Variants in TAF12 observed in about 807,000 individuals in gnomAD.
TAF12 encodes the protein TATA-box binding protein associated factor 12.
TAF12 carries 3 observed loss-of-function variants against 20.8 expected under a neutral mutation model. That is an observed-to-expected ratio of 0.14 (90% confidence interval 0.07 to 0.37). TAF12 has a LOEUF of 0.37. Among genes scored for constraint, TAF12 ranks in the 10% least tolerant of loss-of-function variants. The pLI, the probability that TAF12 is intolerant of heterozygous loss-of-function variation, is 1.00. For synonymous variants in TAF12, 69 were observed against 70.2 expected (o/e 0.98, Z 0.09); for missense variants, 131 against 197.9 (o/e 0.66, Z 2.03).
At chr1:28,614,190 A>G (rs1432044945) in intron 3 of TAF12, among the ~76,000 whole-genome samples, 1 of 152,068 alleles carries the variant, frequency 6.6e-6, no homozygotes, top group African/African-American at 2.4e-5. Flanking sequence ...GTGAGCTAAG[A>G]TCGTGACACT....
chr1:28,616,972 T>C (rs903832733), intron 3 of TAF12, among the ~76,000 whole-genome samples: 1 of 151,434 alleles, frequency 6.6e-6, no homozygotes, highest in Non-Finnish European at 1.5e-5. Flanking sequence ...ATACAAAAAT[T>C]AGCCAGGTGT....
intron 4 of TAF12, among the ~76,000 whole-genome samples, chr1:28,611,510 A>G (rs568572135): frequency 1.3e-5 from 2 of 152,162 alleles, no homozygotes; most frequent in Admixed American, 1.3e-4. Flanking sequence ...CCTTAATCCA[A>G]TATGACTGGT....
intron 3 of TAF12, among the ~76,000 whole-genome samples, chr1:28,614,628 A>T (rs1440667662): frequency 6.6e-6 from 1 of 151,616 alleles, no homozygotes; most frequent in African/African-American, 2.4e-5. Context: ...GGTTGCAGTG[A>T]GCCGAGACTG....
At chr1:28,645,819 T>C (rs942164059), upstream of TAF12, among the ~76,000 whole-genome samples, 2 of 151,696 alleles carry the variant, frequency 1.3e-5, no homozygotes, top group Admixed American at 1.3e-4. Context: ...TTTTAAAAAT[T>C]AGCCGGGTGT....
chr1:28,606,176 T>G (rs1666658337), intron 4 of TAF12, among the ~76,000 whole-genome samples: 1 of 152,058 alleles, frequency 6.6e-6, no homozygotes, highest in Non-Finnish European at 1.5e-5. Context: ...TTTTTGTATT[T>G]TTAGTAGAGA....
intron 1 of TAF12, among the ~76,000 whole-genome samples, chr1:28,627,184 C>T (rs190126004): frequency 1.0e-3 from 158 of 151,174 alleles, no homozygotes; most frequent in African/African-American, 3.6e-3. Flanking sequence ...GTCAGGGGTT[C>T]GAGACCAGCC....
intron 2 of TAF12, among the ~76,000 whole-genome samples, chr1:28,619,721 C>T (rs540697561): frequency 1.4e-5 from 2 of 144,704 alleles, no homozygotes; most frequent in African/African-American, 2.6e-5. Flanking sequence ...GAGGCTGAGG[C>T]GGGTGGATAA....
At chr1:28,629,909 G>A (rs1667561809) in intron 1 of TAF12, among the ~76,000 whole-genome samples, 1 of 151,498 alleles carries the variant, frequency 6.6e-6, no homozygotes, top group Non-Finnish European at 1.5e-5. Flanking sequence ...CAAATAGCTG[G>A]GGTTATATGT....
At chr1:28,619,323 C>T (rs1170092502) in intron 2 of TAF12, among the ~76,000 whole-genome samples, 1 of 151,034 alleles carries the variant, frequency 6.6e-6, no homozygotes, top group Non-Finnish European at 1.5e-5. Context: ...GAAACCCTGT[C>T]TCTACTAAAA....
chr1:28,610,953 G>A (rs1436729591), intron 4 of TAF12, among the ~76,000 whole-genome samples: 3 of 106,528 alleles, frequency 2.8e-5, no homozygotes, highest in African/African-American at 3.6e-5. Flanking sequence ...GAGTGAGACT[G>A]TCTCAAAAAA....
intron 1 of TAF12, among the ~76,000 whole-genome samples, chr1:28,639,441 A>AAAAAAAAAAAAAAAAT: frequency 6.6e-6 from 1 of 151,112 alleles, no homozygotes; most frequent in African/African-American, 2.4e-5. Flanking sequence ...AAAAAAAAAA[A>AAAAAAAAAAAAAAAAT]GGTAATATGT....
chr1:28,604,812 G>C (rs185153143), intron 5 of TAF12, among the ~76,000 whole-genome samples: 1 of 152,184 alleles, frequency 6.6e-6, no homozygotes, highest in East Asian at 1.9e-4. Flanking sequence ...CAACACTGCT[G>C]TTGGACTGAC....
At chr1:28,618,381 T>G (rs1488586384) in intron 2 of TAF12, among the ~76,000 whole-genome samples, 1 of 152,090 alleles carries the variant, frequency 6.6e-6, no homozygotes, top group Non-Finnish European at 1.5e-5. Context: ...TTTGTTTTTT[T>G]GTTTTGTTTT....
chr1:28,645,847 G>T (rs1272204131), upstream of TAF12, among the ~76,000 whole-genome samples: 1 of 151,782 alleles, frequency 6.6e-6, no homozygotes, highest in Non-Finnish European at 1.5e-5. Context: ...CGTGCCTGTA[G>T]TCCCAAGCTA....
At chr1:28,628,042 T>C (rs932325899) in intron 1 of TAF12, among the ~76,000 whole-genome samples, 17 of 152,034 alleles carry the variant, frequency 1.1e-4, no homozygotes, top group Non-Finnish European at 2.1e-4. Flanking sequence ...TTTTACTGTA[T>C]GTAAATTATA....
At chr1:28,645,681 T>G (rs1401051700), upstream of TAF12, among the ~76,000 whole-genome samples, 1 of 138,602 alleles carries the variant, frequency 7.2e-6, no homozygotes, top group African/African-American at 2.7e-5. Context: ...AAAAAACAGA[T>G]AAGGCCAGGC....
intron 1 of TAF12, 71 bp from the exon 2 acceptor site, chr1:28,622,236 G>A: frequency 1.5e-6 from 2 of 1,366,958 alleles, no homozygotes; most frequent in Non-Finnish European, 1.9e-6. Context: ...AGAGTAAAAA[G>A]AGGCCTGGTG....
chr1:28,626,069 C>T (rs1570320096), intron 1 of TAF12, among the ~76,000 whole-genome samples: 1 of 151,880 alleles, frequency 6.6e-6, no homozygotes, highest in East Asian at 2.0e-4. Context: ...CAACCTCTGC[C>T]TTGCGGGTTC....
intron 2 of TAF12, 57 bp from the exon 3 acceptor site, chr1:28,618,087 A>T (rs540919068): frequency 1.3e-6 from 2 of 1,513,406 alleles, no homozygotes; most frequent in East Asian, 4.5e-5. Flanking sequence ...GAAACAAATC[A>T]TTACCCTGTA....
Sources: allele counts gnomAD v4.1 joint callset (sites outside exome capture counted in the v4.1 genomes callset), GRCh38; gene constraint gnomAD v4.1.1; transcripts MANE v1.5; gene names NCBI Gene and HGNC (gene_info 2026-07-23, HGNC 2026-07-21).